BLM: variants seen among roughly 807,000 people sequenced by gnomAD.
BLM encodes the protein recQ-like DNA helicase BLM.
BLM carries 95 observed loss-of-function variants against 135.3 expected under a neutral mutation model. The ratio of observed to expected loss-of-function variants is 0.70; its 90% CI spans 0.59 to 0.83. BLM has a LOEUF of 0.83. Among genes scored for constraint, BLM ranks in the 40% least tolerant of loss-of-function variants. The pLI, the probability that BLM is intolerant of heterozygous loss-of-function variation, is 0.00. For missense variants in BLM, 1,518 were observed against 1,663.9 expected, an observed-to-expected ratio of 0.91 and a Z score of 1.53; for synonymous variants, 520 against 589.2, an observed-to-expected ratio of 0.88 and a Z score of 1.70.
intron 15 of BLM, among the ~76,000 whole-genome samples, chr15:90,791,697 G>A (rs528757114): frequency 6.6e-6 from 1 of 151,846 alleles, no homozygotes; most frequent in East Asian, 1.9e-4. Context: ...GCAGTGCAGT[G>A]GCAGAATCTT....
chr15:90,728,480 A>C (rs34780515), intron 1 of BLM, among the ~76,000 whole-genome samples: 1 of 152,012 alleles, frequency 6.6e-6, no homozygotes, highest in African/African-American at 2.4e-5. Flanking sequence ...CACCGCAACC[A>C]CCGCCTTCCA....
chr15:90,776,002 CT>C (rs982628435), intron 12 of BLM, among the ~76,000 whole-genome samples: 33 of 152,122 alleles, frequency 2.2e-4, no homozygotes, highest in Admixed American at 2.0e-3. Flanking sequence ...TTGTTGTTCA[CT>C]TAGTTGACAT....
Position 90,804,338 on chromosome 15 carries a change from G to A in BLM, c.3730G>A (p.Val1244Ile), listed in dbSNP as rs1249106324. Residue 1244 changes from valine (V) to isoleucine (I), a missense_variant, in exon 19 of 22, where the codon GTC becomes ATC. By Grantham distance (29) the Val-to-Ile change is conservative (BLOSUM62 3). Transcript: ENST00000355112. ...GVHYFNIFNT[V>I]TLKKLAESLS... ...CCATTACTTCAATATTTTTAATACC[G>A]TCACTCTCAAGAAGCTTGCAGGTGG... The A allele has an allele frequency of 2.5e-6, 4 of 1,614,034 alleles. No homozygotes were observed. The highest frequency in any genetic ancestry group is 3.4e-6 in the Non-Finnish European group (4 of 1,179,938).
intron 5 of BLM, among the ~76,000 whole-genome samples, chr15:90,756,310 A>G (rs1596225096): frequency 6.6e-6 from 1 of 152,058 alleles, no homozygotes; most frequent in Non-Finnish European, 1.5e-5. Context: ...TCACCATTTT[A>G]GCCAGGATGG....
intron 10 of BLM, among the ~76,000 whole-genome samples, chr15:90,767,591 A>G (rs1318915549): frequency 6.6e-6 from 1 of 152,232 alleles, no homozygotes; most frequent in African/African-American, 2.4e-5. Context: ...CTCCTTGAAT[A>G]TCACAGAAAC....
chr15:90,725,791 G>A lies in BLM; in HGVS notation c.-5+8351G>A, dbSNP rs537774588. On this transcript the variant is annotated intron_variant, in intron 1 of 21. Transcript: ENST00000355112. ...CTCCCAAAGTGCTGGGATTACAGGC[G>A]TGAGCCACCGCGCCCAGCCTACAGT... 1.2e-3 allele frequency among the ~76,000 whole-genome samples: 186 copies of A among 151,578 alleles called. 1 individual carries two copies. The highest frequency in any genetic ancestry group is 4.2e-3 in the African/African-American group (175 of 41,346).
intron 5 of BLM, among the ~76,000 whole-genome samples, chr15:90,756,317 A>C (rs541412545): frequency 7.2e-5 from 11 of 152,080 alleles, no homozygotes; most frequent in Non-Finnish European, 1.3e-4. Context: ...TTTAGCCAGG[A>C]TGGTCTTGAT....
intron 14 of BLM, among the ~76,000 whole-genome samples, chr15:90,785,955 C>G (rs926639685): frequency 6.7e-6 from 1 of 148,238 alleles, no homozygotes; most frequent in African/African-American, 2.5e-5. Context: ...GTTTGTTTAT[C>G]TACTCATCAG....
At chr15:90,736,817 G>A (rs571766038) in intron 1 of BLM, among the ~76,000 whole-genome samples, 3 of 152,262 alleles carry the variant, frequency 2.0e-5, no homozygotes, top group Non-Finnish European at 4.4e-5. Flanking sequence ...GAAAATATGA[G>A]ACTCTAATGT....
intron 1 of BLM, among the ~76,000 whole-genome samples, chr15:90,732,369 T>G (rs943452371): frequency 1.3e-5 from 2 of 151,930 alleles, no homozygotes; most frequent in African/African-American, 4.8e-5. Context: ...ATAGTTCATA[T>G]ATTAGGTAAC....
At chr15:90,806,510 C>CA (rs3079983) in intron 19 of BLM, among the ~76,000 whole-genome samples, 6,332 of 113,108 alleles carry the variant, frequency 0.056, 203 homozygotes, top group South Asian at 0.07. Flanking sequence ...GACTCCATCT[C>CA]AAAAAAAAAA....
chr15:90,801,964 G>A (rs998224644), intron 17 of BLM, among the ~76,000 whole-genome samples: 1 of 152,138 alleles, frequency 6.6e-6, no homozygotes, highest in Non-Finnish European at 1.5e-5. Flanking sequence ...GCTGATGTGG[G>A]AGGATCACCT....
chr15:90,766,385 GAAAT>G (rs966363419), intron 9 of BLM, among the ~76,000 whole-genome samples: 1 of 152,026 alleles, frequency 6.6e-6, no homozygotes, highest in African/African-American at 2.4e-5. Flanking sequence ...GCAAGAAAAG[GAAAT>G]AAATAATGAG....
At chr15:90,777,170 G>C (rs1192630987) in intron 12 of BLM, among the ~76,000 whole-genome samples, 1 of 151,300 alleles carries the variant, frequency 6.6e-6, no homozygotes, top group Non-Finnish European at 1.5e-5. Context: ...CTTTTTTGAG[G>C]GGGGTGGGGG....
At chr15:90,767,066 T>C (rs755908635) in intron 10 of BLM, 43 bp downstream of exon 10, 5 of 1,221,148 alleles carry the variant, frequency 4.1e-6, no homozygotes, top group Non-Finnish European at 4.6e-6. Flanking sequence ...TAAAGACCAC[T>C]AGAATACATA....
rs771826270 is a variant in BLM, at chr15:90,782,884, A to T, written c.2618A>T (p.Lys873Met). The T allele has an allele frequency of 8.1e-6, 13 of 1,614,020 alleles. No individual in the cohort carries two copies. Among genetic ancestry groups the T allele is most frequent in the Non-Finnish European group, 1.0e-5 (12 of 1,179,866 alleles). The part of the protein sequence containing the change: ...KYYVLPKKPK[K>M]VAFDCLEWIR... ...TATGTATTACCGAAAAAGCCTAAAA[A>T]GGTGGCATTTGATTGCCTAGAATGG... is the stretch of plus-strand genomic sequence containing the variant. Residue 873 changes from lysine (K) to methionine (M), a missense_variant, in exon 13 of 22, where the codon AAG becomes ATG. Transcript: ENST00000355112.
At chr15:90,735,516 A>C (rs1443286825) in intron 1 of BLM, among the ~76,000 whole-genome samples, 3 of 151,988 alleles carry the variant, frequency 2.0e-5, no homozygotes, top group Admixed American at 2.0e-4. Flanking sequence ...AAAGTCAATA[A>C]TTAGTCTCCT....
At chr15:90,781,007 T>C (rs1257160668) in intron 12 of BLM, among the ~76,000 whole-genome samples, 1 of 151,954 alleles carries the variant, frequency 6.6e-6, no homozygotes, top group Non-Finnish European at 1.5e-5. Context: ...GATGTGAAAA[T>C]TGAGGGTCTG....
At chr15:90,803,839 T>C (rs1182597271) in intron 18 of BLM, 119 bp downstream of exon 18, 3 of 1,041,214 alleles carry the variant, frequency 2.9e-6, no homozygotes, top group African/African-American at 3.2e-5. Flanking sequence ...TACTGTTCTA[T>C]ACGAACATAT....
Sources: allele counts gnomAD v4.1 joint callset (sites outside exome capture counted in the v4.1 genomes callset), GRCh38; gene constraint gnomAD v4.1.1; transcripts MANE v1.5; gene names NCBI Gene and HGNC (gene_info 2026-07-23, HGNC 2026-07-21).